GGA1: variants seen among roughly 807,000 people sequenced by gnomAD.
The protein encoded by GGA1 is golgi associated, gamma adaptin ear containing, ARF binding protein 1.
In GGA1, 18 loss-of-function variants were observed where a neutral mutation model predicts 76.9. The observed-to-expected ratio is 0.23, with a 90% CI of 0.16 to 0.35. GGA1 has a LOEUF of 0.35. Ranked by LOEUF, GGA1 falls within the 10% of genes least tolerant of loss-of-function variation. GGA1 has a pLI of 1.00. For missense variants in GGA1, 755 were observed against 859.0 expected, an observed-to-expected ratio of 0.88 and a Z score of 1.51; for synonymous variants, 342 against 354.7, an observed-to-expected ratio of 0.96 and a Z score of 0.40.
chr22:37,617,230 T>C, intron 3 of GGA1: 1 of 1,386,264 alleles, frequency 7.2e-7, no homozygotes, highest in South Asian at 1.7e-5. Context: ...CCCTCTAGGG[T>C]CATCTGGTCC....
rs1217238302 is a variant in GGA1, at chr22:37,631,078, C to T, written c.1507C>T (p.Pro503Ser). The change falls in exon 14 of 17, where the codon CCC becomes TCC. Residue 503 changes from proline to serine, a missense_variant. Physicochemically the swap from Pro to Ser is moderately conservative, Grantham distance 74. Coordinates refer to ENST00000343632, the MANE Select transcript of GGA1 (RefSeq NM_013365.5). ...TELSLASITV[P>S]LESIKPSNIL... ...GCTCTCACTGGCCAGCATCACTGTG[C>T]CCCTGGAGTCCATCAAACCCAGTGA... The T allele has an allele frequency of 1.9e-6, 3 of 1,592,576 alleles. No homozygotes were observed. In the African/African-American group the frequency reaches 4.1e-5, roughly 22 times the overall value.
At chr22:37,612,936 T>A in intron 1 of GGA1, 9 of 985,298 alleles carry the variant, frequency 9.1e-6, no homozygotes, top group Non-Finnish European at 9.6e-6. Flanking sequence ...TGGCCCTCTT[T>A]CCTTGCCACT....
In GGA1 at chr22:37,618,462, C is replaced by T. The variant is rs779185540; in HGVS notation, c.219C>T (p.Cys73=). ...AIQALTVLET[C]MKSCGKRFHD... ...TCCCTGCACAGGTGCTGGAAACATGCATGAAGAGCTGCGGCAAGCGGTTCC... is the reference window on the plus strand; with the variant it reads ...TCCCTGCACAGGTGCTGGAAACATGTATGAAGAGCTGCGGCAAGCGGTTCC... Residue 73 remains cysteine, a synonymous_variant, in exon 4 of 17, where the codon TGC becomes TGT. Transcript: ENST00000343632. 1.2e-6 allele frequency: 2 copies of T among 1,610,814 alleles called. No homozygotes were observed. Among genetic ancestry groups the T allele is most frequent in the South Asian group, 1.1e-5 (1 of 90,982 alleles).
intron 1 of GGA1, chr22:37,613,248 C>A: frequency 1.2e-6 from 1 of 806,904 alleles, no homozygotes; most frequent in Non-Finnish European, 1.5e-6. Context: ...TGGTTACCCG[C>A]ATCTTTCCTG....
At chr22:37,617,184 A>T in intron 3 of GGA1, 187 bp downstream of exon 3, 1 of 1,456,970 alleles carries the variant, frequency 6.9e-7, no homozygotes, top group Non-Finnish European at 9.0e-7. Flanking sequence ...CTCCCACCCC[A>T]GCATCCATAC....
Position 37,629,424 on chromosome 22 carries a change from A to G in GGA1, c.1094-38A>G, listed in dbSNP as rs751773716. 19 of 1,480,432 alleles carry G rather than the reference A, an allele frequency of 1.3e-5. No individual in the cohort carries two copies. The South Asian group carries it at 1.3e-4, about 10-fold the overall frequency. 91.7% of individuals were successfully genotyped at this position (1,480,432 alleles called of 1,614,324 possible). A position where few individuals can be genotyped will look rare whatever the true frequency, so the allele number is the denominator to read the frequency against. Reference sequence around the variant, plus strand: ...TCGGCTCTCTGGCCTCTGCAGGGTCAGCCCAGCTCCTTCACCTCTCTCCTG... The same window carrying G: ...TCGGCTCTCTGGCCTCTGCAGGGTCGGCCCAGCTCCTTCACCTCTCTCCTG... On this transcript the variant is annotated intron_variant, in intron 11 of 16. Coordinates refer to ENST00000343632, the MANE Select transcript of GGA1 (RefSeq NM_013365.5).
chr22:37,609,870 C>T (rs7290615), intron 1 of GGA1, among the ~76,000 whole-genome samples: 33,673 of 152,184 alleles, frequency 0.22, 3,997 homozygotes, highest in Admixed American at 0.3. Context: ...CGGCAACTGT[C>T]TAGCGTGGTT....
At position 37,630,956 on chromosome 22, in the gene GGA1, G is replaced by A. The variant is rs1931703275; in HGVS notation, c.1385G>A (p.Ser462Asn). The A allele has an allele frequency of 1.2e-6, 2 of 1,613,328 alleles. No individual in the cohort carries two copies. The highest frequency in any genetic ancestry group is 2.2e-5 in the South Asian group (2 of 91,050). The change falls in exon 14 of 17, where the codon AGC becomes AAC. Residue 462 changes from serine (S) to asparagine (N), a missense_variant. By Grantham distance (46) the Ser-to-Asn change is conservative. Coordinates refer to ENST00000343632, the MANE Select transcript of GGA1 (RefSeq NM_013365.5). ...ACACTCCGGGACCTGCAGAATAAGA[G>A]CAGCAGCTGCAGCTCCCCCAGCTCC... ...RLTLRDLQNK[S>N]SSCSSPSSSA... is the part of the protein sequence containing the mutation.
chr22:37,612,966 C>T (rs535196586), intron 1 of GGA1: 1 of 985,140 alleles, frequency 1.0e-6, no homozygotes, highest in South Asian at 4.7e-5. Flanking sequence ...TGGATTCAGT[C>T]TTCCCCAGAA....
rs1555884398 is a variant in GGA1, at chr22:37,623,663, T to TG, written c.832+30_832+31insG. 6 of 1,392,746 alleles carry TG rather than the reference T, an allele frequency of 4.3e-6. No homozygotes were observed. Among genetic ancestry groups the TG allele is most frequent in the Non-Finnish European group, 6.0e-6 (6 of 1,003,230 alleles). The allele number at this position is 1,392,746 out of a possible 1,614,324, so 86.3% of individuals were successfully genotyped here. On this transcript the variant is annotated intron_variant, in intron 9 of 16. Transcript: ENST00000343632. The surrounding 1 kb of genome is among the most constrained non-coding windows in gnomAD (Gnocchi z 4.6). Reference sequence around the variant, plus strand: ...GCCCAGGGCAGGTGCTGAGGTCAGGTCCCCCCCTCTCCCTCCACCTCCTGC... The same window carrying TG: ...GCCCAGGGCAGGTGCTGAGGTCAGGTGCCCCCCCTCTCCCTCCACCTCCTGC...
chr22:37,612,213 C>G, intron 1 of GGA1, among the ~76,000 whole-genome samples: 1 of 151,706 alleles, frequency 6.6e-6, no homozygotes, highest in East Asian at 1.9e-4. Context: ...ACCTGTAATT[C>G]CAGTACTTTG....
Position 37,617,134 on chromosome 22 carries a change from G to A in GGA1, c.204+137G>A, listed in dbSNP as rs576920349. On this transcript the variant is annotated intron_variant, in intron 3 of 16. Transcript: ENST00000343632. ...CTAAGATGGCCCAGGATGGAGGTCC[G>A]GGCCTGCCCCAAGGGTCCCACCACA... 2.2e-5 allele frequency: 33 copies of A among 1,504,472 alleles called. No homozygotes were observed. The East Asian group carries it at 6.1e-4, about 28-fold the overall frequency. 93.2% of individuals were successfully genotyped at this position (1,504,472 alleles called of 1,614,324 possible). A position where few individuals can be genotyped will look rare whatever the true frequency, so the allele number is the denominator to read the frequency against.
In GGA1 at chr22:37,613,637, G is replaced by T. The variant is rs906632741; in HGVS notation, c.44-553G>T. ...GATGGTCTTGATCTCCTGACCTCGT[G>T]ATCCACCCACCTCAGCCTCCCAAAG... On this transcript the variant is annotated intron_variant, in intron 1 of 16. Transcript: ENST00000343632. 7.9e-5 allele frequency among the ~76,000 whole-genome samples: 12 copies of T among 151,972 alleles called. No homozygotes were observed. The South Asian group carries it at 1.0e-3, about 13-fold the overall frequency.
At chr22:37,608,967 T>G in intron 1 of GGA1, 64 bp downstream of exon 1, 1 of 1,323,722 alleles carries the variant, frequency 7.6e-7, no homozygotes, top group Non-Finnish European at 9.7e-7. Context: ...GGCGGGCCCC[T>G]TCCCGGCGGG....
At position 37,625,968 on chromosome 22, in the gene GGA1, C is replaced by T. The variant is rs761408459; in HGVS notation, c.1093+19C>T. The T allele has an allele frequency of 7.0e-6, 11 of 1,561,040 alleles. No homozygotes were observed. The South Asian group carries it at 8.0e-5, about 11-fold the overall frequency. ...TCTCTGGGTGAGGAAGGGGCCAGGC[C>T]TGGAGGAGGGCGGGCTCAGCAGCAG... is the stretch of plus-strand genomic sequence containing the variant. On this transcript the variant is annotated intron_variant, in intron 11 of 16. Transcript: ENST00000343632. This position sits in a 1 kb window ranked among gnomAD's most constrained non-coding sequence, Gnocchi z 4.1.
At chr22:37,620,712 C>T (rs1307529037) in intron 5 of GGA1, 101 bp from the exon 6 acceptor site, 4 of 788,456 alleles carry the variant, frequency 5.1e-6, no homozygotes, top group African/African-American at 5.1e-5. Flanking sequence ...AAAGACTGAC[C>T]TCCCTCTTCT....
Position 37,625,208 on chromosome 22 carries a change from G to T in GGA1, c.940+132G>T, listed in dbSNP as rs1930595635. The T allele has an allele frequency of 1.3e-6, 1 of 789,120 alleles. No individual in the cohort carries two copies. Among genetic ancestry groups the T allele is most frequent in the Admixed American group, 2.3e-5 (1 of 42,692 alleles). 48.9% of individuals were successfully genotyped at this position (789,120 alleles called of 1,614,324 possible). A position where few individuals can be genotyped will look rare whatever the true frequency, so the allele number is the denominator to read the frequency against. Reference sequence around the variant, plus strand: ...GACCCTGGCCCCTTAAGATGGGGAAGGCCCCAGGGAGGGAGCTGGGGGTGA... The same window carrying T: ...GACCCTGGCCCCTTAAGATGGGGAATGCCCCAGGGAGGGAGCTGGGGGTGA... On this transcript the variant is annotated intron_variant, in intron 10 of 16. Transcript: ENST00000343632. The surrounding 1 kb of genome is among the most constrained non-coding windows in gnomAD (Gnocchi z 4.1).
chr22:37,609,014 C>T (rs1309486125), intron 1 of GGA1, 111 bp downstream of exon 1: 3 of 1,373,942 alleles, frequency 2.2e-6, no homozygotes, highest in South Asian at 1.6e-5. Flanking sequence ...ACGCCCCGCC[C>T]CCGGCCCGGG....
intron 2 of GGA1, 72 bp downstream of exon 2, chr22:37,614,346 G>A: frequency 9.5e-7 from 1 of 1,048,618 alleles, no homozygotes; most frequent in Non-Finnish European, 1.5e-6. Flanking sequence ...CAATGGCCTG[G>A]GTGGGTGGAG....
Sources: gnomAD v4.1 joint callset for allele counts (sites outside exome capture counted in the v4.1 genomes callset) on GRCh38, gnomAD v4.1.1 for gene constraint, Gnocchi (gnomAD v3.1) non-coding constraint, MANE v1.5 for transcripts, NCBI Gene and HGNC (gene_info 2026-07-23, HGNC 2026-07-21) for gene names.